Variants in TNNI3K observed in about 807,000 individuals in gnomAD.
The protein encoded by TNNI3K is TNNI3 interacting kinase.
TNNI3K carries 140 observed loss-of-function variants against 114.5 expected under a neutral mutation model. The ratio of observed to expected loss-of-function variants is 1.22; its 90% confidence interval spans 1.07 to 1.41. The LOEUF (loss-of-function observed/expected upper bound fraction) is 1.41, where lower values mean the gene tolerates loss of function less well. TNNI3K is among the 40% of genes most tolerant of loss of function. The pLI is 0.00. For synonymous variants in TNNI3K, 347 were observed against 347.5 expected (o/e 1.00, Z 0.02); for missense variants, 1,125 against 1,007.6 (o/e 1.12, Z -1.58).
intron 17 of TNNI3K, among the ~76,000 whole-genome samples, chr1:74,411,547 A>G (rs1280274849): frequency 6.6e-6 from 1 of 152,046 alleles, no homozygotes; most frequent in Non-Finnish European, 1.5e-5. Context: ...TCCAGAAATA[A>G]TGGCCTTAAA....
intron 17 of TNNI3K, chr1:74,374,303 C>G (rs986402939): frequency 2.0e-5 from 3 of 151,838 alleles, no homozygotes; most frequent in Non-Finnish European, 2.9e-5. Context: ...ATAATACCTA[C>G]CATTTATTTA....
intron 20 of TNNI3K, among the ~76,000 whole-genome samples, chr1:74,446,313 T>C (rs1484554266): frequency 1.3e-5 from 2 of 148,690 alleles, no homozygotes; most frequent in Non-Finnish European, 3.0e-5. Context: ...TTTTTTCATG[T>C]GTTTTTTGGC....
intron 22 of TNNI3K, among the ~76,000 whole-genome samples, chr1:74,491,726 A>G (rs533774102): frequency 1.3e-5 from 2 of 152,364 alleles, no homozygotes; most frequent in South Asian, 4.1e-4. Flanking sequence ...GAATAATTTT[A>G]GCTATGATTT....
rs908454119 is a variant in TNNI3K, at chr1:74,436,468, C to G, written c.1826-6C>G. ...TTTGACGTGATTTATTTTCTCTTTC[C>G]CTCAGAATCAAGATTTCTACAGTCT... On this transcript the variant is annotated splice_region_variant and splice_polypyrimidine_tract_variant and intron_variant, in intron 18 of 24. Coordinates refer to ENST00000326637, the MANE Select transcript of TNNI3K (RefSeq NM_015978.3). The G allele has an allele frequency of 1.9e-6, 3 of 1,573,800 alleles. No individual in the cohort carries two copies. The African/African-American group carries it at 4.2e-5, about 22-fold the overall frequency.
In TNNI3K at chr1:74,480,573, G is replaced by T. The variant is rs1668438152; in HGVS notation, c.2122-8616G>T. 7.0e-6 allele frequency: 5 copies of T among 717,326 alleles called. No individual in the cohort carries two copies. The East Asian group carries it at 1.1e-4, about 15-fold the overall frequency. 44.4% of individuals were successfully genotyped at this position (717,326 alleles called of 1,614,324 possible). A position where few individuals can be genotyped will look rare whatever the true frequency, so the allele number is the denominator to read the frequency against. ...GAAATAAAATTGTTGGATAAATCCA[G>T]ATACCTGAGACTGTGGAGATTCGTG... is the stretch of plus-strand genomic sequence containing the variant. On this transcript the variant is annotated intron_variant, in intron 21 of 24. Transcript: ENST00000326637.
chr1:74,387,518 T>C (rs1487412760), intron 17 of TNNI3K, among the ~76,000 whole-genome samples: 1 of 152,232 alleles, frequency 6.6e-6, no homozygotes, highest in African/African-American at 2.4e-5. Context: ...TTGAAGCCCA[T>C]GTCTCAAAAG....
intron 5 of TNNI3K, among the ~76,000 whole-genome samples, chr1:74,319,025 A>G (rs1659466395): frequency 6.6e-6 from 1 of 152,234 alleles, no homozygotes; most frequent in South Asian, 2.1e-4. Context: ...CAAAACAAAC[A>G]TTTATTATAC....
intron 19 of TNNI3K, among the ~76,000 whole-genome samples, chr1:74,437,550 G>A (rs1343018585): frequency 6.6e-6 from 1 of 151,880 alleles, no homozygotes; most frequent in Non-Finnish European, 1.5e-5. Flanking sequence ...TCTACATGGG[G>A]GGAGAGCTAT....
At chr1:74,314,851 T>A (rs1490284412) in intron 5 of TNNI3K, among the ~76,000 whole-genome samples, 1 of 152,192 alleles carries the variant, frequency 6.6e-6, no homozygotes, top group African/African-American at 2.4e-5. Context: ...ATAGTTTACA[T>A]TTTGCTAGAG....
At chr1:74,456,957 T>C (rs1667251518) in intron 20 of TNNI3K, among the ~76,000 whole-genome samples, 1 of 152,146 alleles carries the variant, frequency 6.6e-6, no homozygotes, top group African/African-American at 2.4e-5. Flanking sequence ...CTCATATTGG[T>C]AGCCATTTGA....
intron 9 of TNNI3K, among the ~76,000 whole-genome samples, chr1:74,345,001 A>G (rs1660926581): frequency 6.6e-6 from 1 of 152,098 alleles, no homozygotes; most frequent in African/African-American, 2.4e-5. Context: ...ATATATATGT[A>G]TATATATGTA....
intron 11 of TNNI3K, among the ~76,000 whole-genome samples, chr1:74,364,205 A>G (rs1355969147): frequency 6.6e-6 from 1 of 151,614 alleles, no homozygotes; most frequent in Non-Finnish European, 1.5e-5. Flanking sequence ...GGGTCATGCT[A>G]TGTTGCCCAG....
intron 17 of TNNI3K, among the ~76,000 whole-genome samples, chr1:74,426,433 C>T (rs1471865215): frequency 6.6e-6 from 1 of 151,972 alleles, no homozygotes; most frequent in Non-Finnish European, 1.5e-5. Flanking sequence ...ATACAGAAAA[C>T]CTTGTTCGTT....
At position 74,438,832 on chromosome 1, in the gene TNNI3K, T is replaced by C. The variant is rs45483791; in HGVS notation, c.1879-658T>C. 8.7e-3 allele frequency among the ~76,000 whole-genome samples: 1,317 copies of C among 152,224 alleles called. 24 individuals carry two copies. The highest frequency in any genetic ancestry group is 0.03 in the African/African-American group (1,240 of 41,560). ...GAGGGACTTGTAATATTTTATGGGCTTCCTTTCTGGAATATTGCACAAACA... is the reference window on the plus strand; with the variant it reads ...GAGGGACTTGTAATATTTTATGGGCCTCCTTTCTGGAATATTGCACAAACA... On this transcript the variant is annotated intron_variant, in intron 19 of 24. Transcript: ENST00000326637.
chr1:74,319,635 A>G (rs1219924671), intron 5 of TNNI3K, among the ~76,000 whole-genome samples: 1 of 152,168 alleles, frequency 6.6e-6, no homozygotes, highest in Non-Finnish European at 1.5e-5. Context: ...TGGCCTGGCA[A>G]GTAGATATGG....
chr1:74,284,840 C>G (rs551990400), intron 5 of TNNI3K, among the ~76,000 whole-genome samples: 1 of 152,342 alleles, frequency 6.6e-6, no homozygotes, highest in African/African-American at 2.4e-5. Flanking sequence ...CATAAATGGG[C>G]TAACTCCTTC....
intron 21 of TNNI3K, chr1:74,475,810 C>G (rs778882887): frequency 2.2e-5 from 13 of 596,116 alleles, no homozygotes; most frequent in Non-Finnish European, 3.4e-5. Flanking sequence ...ACCAACAGCT[C>G]CTATGACAAA....
chr1:74,519,128 C>A (rs1475053036), intron 23 of TNNI3K, among the ~76,000 whole-genome samples: 1 of 92,382 alleles, frequency 1.1e-5, no homozygotes, highest in Non-Finnish European at 1.9e-5. Flanking sequence ...TGAGAATATG[C>A]GGTGTTTGGT....
chr1:74,404,827 A>G (rs1169838715), intron 17 of TNNI3K, among the ~76,000 whole-genome samples: 1 of 152,212 alleles, frequency 6.6e-6, no homozygotes, highest in Admixed American at 6.6e-5. Context: ...ACTCCTGGTT[A>G]TGATTCCGCT....
Sources: gnomAD v4.1 joint callset for allele counts (sites outside exome capture counted in the v4.1 genomes callset) on GRCh38, gnomAD v4.1.1 for gene constraint, MANE v1.5 for transcripts, NCBI Gene and HGNC (gene_info 2026-07-23, HGNC 2026-07-21) for gene names.